ATP9A: variants seen among roughly 807,000 people sequenced by gnomAD.
The protein encoded by ATP9A is ATPase phospholipid transporting 9A.
Under a neutral mutation model 144.1 loss-of-function variants are expected in ATP9A, and 52 were observed. That is an observed-to-expected ratio of 0.36 (90% confidence interval 0.29 to 0.45). The LOEUF is 0.45. Ranked by LOEUF, ATP9A falls within the 20% of genes least tolerant of loss-of-function variation. The pLI, the probability that ATP9A is intolerant of heterozygous loss-of-function variation, is 1.00. For synonymous variants in ATP9A, 582 were observed against 557.4 expected (o/e 1.04, Z -0.62); for missense variants, 947 against 1,392.7 (o/e 0.68, Z 5.09).
rs942511023 is a variant in ATP9A at position 51,689,598 on chromosome 20, C to T, written c.724-459G>A. Among the ~76,000 whole-genome samples, 13 of 150,550 alleles carry T rather than the reference C, an allele frequency of 8.6e-5. No individual in the cohort carries two copies. The East Asian group carries it at 2.0e-3, about 24-fold the overall frequency. ...TGCCACCCAGGCTGGAGTGCAGTGG[C>T]GCGATCTCGGCCCACTGCAACCTCC... On this transcript the variant is annotated intron_variant, in intron 8 of 27. Transcript: ENST00000338821.
rs375872721 is a variant in ATP9A, at chr20:51,729,998, G to A, written c.69-20C>T. 90 of 1,510,968 alleles carry A rather than the reference G, an allele frequency of 6.0e-5. No homozygotes were observed. Among genetic ancestry groups the A allele is most frequent in the Admixed American group, 9.5e-5 (4 of 42,310 alleles). 93.6% of individuals were successfully genotyped at this position (1,510,968 alleles called of 1,614,324 possible). A position where few individuals can be genotyped will look rare whatever the true frequency, so the allele number is the denominator to read the frequency against. ...CAGCACCTGTGGGAAAGAAACCCAC[G>A]CATCAAGGCCACGCCCACGCATCGA... On this transcript the variant is annotated intron_variant, in intron 1 of 27. Transcript: ENST00000338821.
chr20:51,635,943 G>A (rs1398805663), intron 15 of ATP9A, among the ~76,000 whole-genome samples: 4 of 152,000 alleles, frequency 2.6e-5, no homozygotes, highest in Admixed American at 2.0e-4. Context: ...ATTTTCTGGA[G>A]TAAGGGAATG....
rs1232430797 is a variant in ATP9A, at chr20:51,596,668, C to T, written c.*4543G>A. ...TCTGAACTGGAAAGAGTTTTCTTTA[C>T]ATTTCATGTACCATGAAATAAAGAA... is the stretch of plus-strand genomic sequence containing the variant. On this transcript the variant is annotated 3_prime_UTR_variant, in exon 28 of 28. Transcript: ENST00000338821. The T allele has an allele frequency of 6.6e-6, 1 of 151,982 alleles. No individual in the cohort carries two copies. The highest frequency in any genetic ancestry group is 1.5e-5 in the Non-Finnish European group (1 of 68,012). The allele number at this position is 151,982 out of a possible 1,614,324, so 9.4% of individuals were successfully genotyped here. A position where few individuals can be genotyped will look rare whatever the true frequency, so the allele number is the denominator to read the frequency against.
intron 7 of ATP9A, among the ~76,000 whole-genome samples, chr20:51,693,768 C>T (rs1195555423): frequency 6.6e-6 from 1 of 152,070 alleles, no homozygotes; most frequent in Non-Finnish European, 1.5e-5. Flanking sequence ...TTGGTGAGGC[C>T]CCTTGGCAAG....
chr20:51,743,396 A>ATTTTTTTTT (rs769952209), intron 1 of ATP9A, among the ~76,000 whole-genome samples: 4,053 of 89,752 alleles, frequency 0.045, 633 homozygotes, highest in African/African-American at 0.062. Flanking sequence ...ACCGAAACTG[A>ATTTTTTTTT]TTTTTTTTTT....
intron 14 of ATP9A, among the ~76,000 whole-genome samples, chr20:51,655,649 T>G (rs1036135812): frequency 6.6e-6 from 1 of 152,184 alleles, no homozygotes; most frequent in Middle Eastern, 3.4e-3. Context: ...GACCGAGATG[T>G]GGAGAAACGG....
intron 19 of ATP9A, among the ~76,000 whole-genome samples, chr20:51,621,419 G>A (rs552844058): frequency 8.5e-5 from 13 of 152,088 alleles, no homozygotes; most frequent in African/African-American, 7.2e-5. Flanking sequence ...GTTTGCCATC[G>A]TGGCTCTGGT....
At chr20:51,661,639 G>C (rs1384228939) in intron 13 of ATP9A, among the ~76,000 whole-genome samples, 2 of 150,316 alleles carry the variant, frequency 1.3e-5, no homozygotes, top group Non-Finnish European at 2.9e-5. Flanking sequence ...CCAAAGTGCT[G>C]GGATTATAGG....
chr20:51,646,385 G>A (rs1221858294), intron 14 of ATP9A, among the ~76,000 whole-genome samples: 1 of 152,172 alleles, frequency 6.6e-6, no homozygotes, highest in Non-Finnish European at 1.5e-5. Context: ...CTGATAAAAG[G>A]GGTTATTTGG....
chr20:51,717,910 C>T (rs1353432130), intron 3 of ATP9A, among the ~76,000 whole-genome samples: 6 of 150,566 alleles, frequency 4.0e-5, no homozygotes, highest in East Asian at 2.0e-4. Context: ...GCTGAGATCA[C>T]GCCATTGCAC....
Position 51,617,395 on chromosome 20 carries a change from T to G in ATP9A, c.2415+95A>C. On this transcript the variant is annotated intron_variant, in intron 22 of 27. Coordinates refer to ENST00000338821, the MANE Select transcript of ATP9A (RefSeq NM_006045.3). ...ATTCCTTATGTTTTATCATTCTTTA[T>G]CTGGAATTTCCAGAAGGCTTAAAGC... is the stretch of plus-strand genomic sequence containing the variant. 12 of 1,282,686 alleles carry G rather than the reference T, an allele frequency of 9.4e-6. No individual in the cohort carries two copies. In the South Asian group the frequency reaches 1.4e-4, roughly 15 times the overall value. 79.5% of individuals were successfully genotyped at this position (1,282,686 alleles called of 1,614,324 possible).
In ATP9A at chr20:51,601,214, T is replaced by C; in HGVS notation, c.3141A>G (p.Ser1047=). ...CCCCCTCCAGCGAACGCACGGCCTATGATGTGAGCTTTGAGTAGCTGGGGG... is the reference window on the plus strand; with the variant it reads ...CCCCCTCCAGCGAACGCACGGCCTACGATGTGAGCTTTGAGTAGCTGGGGG... ...FSPPSYSKLT[S] is the part of the protein sequence containing the mutation. Residue 1047 remains serine, a synonymous_variant, in exon 28 of 28, where the codon TCA becomes TCG. Coordinates refer to ENST00000338821, the MANE Select transcript of ATP9A (RefSeq NM_006045.3). 6.2e-7 allele frequency: 1 copy of C among 1,611,602 alleles called. No homozygotes were observed. The highest frequency in any genetic ancestry group is 8.5e-7 in the Non-Finnish European group (1 of 1,178,788).
At chr20:51,700,471 G>A (rs2077588614) in intron 4 of ATP9A, among the ~76,000 whole-genome samples, 1 of 152,154 alleles carries the variant, frequency 6.6e-6, no homozygotes, top group African/African-American at 2.4e-5. Flanking sequence ...GCTGTGAGCT[G>A]AGATTGTGCC....
intron 18 of ATP9A, among the ~76,000 whole-genome samples, chr20:51,624,373 T>C (rs2077239140): frequency 6.6e-6 from 1 of 152,178 alleles, no homozygotes; most frequent in African/African-American, 2.4e-5. Flanking sequence ...CCAATGAGTT[T>C]GGTTGTTCAC....
intron 19 of ATP9A, among the ~76,000 whole-genome samples, chr20:51,620,899 G>A (rs899435800): frequency 2.0e-5 from 3 of 152,192 alleles, no homozygotes; most frequent in South Asian, 4.2e-4. Context: ...TGTAATCCCA[G>A]CACTTTGGGA....
chr20:51,690,976 T>C (rs987648239), intron 7 of ATP9A, among the ~76,000 whole-genome samples, 157 bp from the exon 8 acceptor site: 3 of 152,108 alleles, frequency 2.0e-5, no homozygotes, highest in Non-Finnish European at 4.4e-5. Flanking sequence ...AAGTCCTCTG[T>C]TAAGTAAGTT....
intron 14 of ATP9A, among the ~76,000 whole-genome samples, chr20:51,651,310 ATATAT>A (rs1174433136): frequency 7.7e-6 from 1 of 130,228 alleles, no homozygotes; most frequent in African/African-American, 3.2e-5. Context: ...TATTTACATA[ATATAT>A]TATATAATAT....
chr20:51,627,368 G>A (rs968611415), intron 17 of ATP9A, among the ~76,000 whole-genome samples: 5 of 152,198 alleles, frequency 3.3e-5, no homozygotes, highest in African/African-American at 1.2e-4. Context: ...CTTGGAGGAC[G>A]TGGCTTTTGA....
At chr20:51,764,213 T>C (rs1025088900) in intron 1 of ATP9A, among the ~76,000 whole-genome samples, 23 of 152,204 alleles carry the variant, frequency 1.5e-4, no homozygotes, top group African/African-American at 5.5e-4. Context: ...ATCACACAGC[T>C]AGTAAGCAGC....
Sources: gnomAD v4.1 joint callset for allele counts (sites outside exome capture counted in the v4.1 genomes callset) on GRCh38, gnomAD v4.1.1 for gene constraint, MANE v1.5 for transcripts, NCBI Gene and HGNC (gene_info 2026-07-23, HGNC 2026-07-21) for gene names.